The following ZFHX3 variants were observed in gnomAD, a reference collection of about 807,000 sequenced individuals.
The protein encoded by ZFHX3 is zinc finger homeobox protein 3.
In ZFHX3, 42 loss-of-function variants were observed where a neutral mutation model predicts 279.1. The observed-to-expected ratio is 0.15, with a 90% CI of 0.12 to 0.19. The LOEUF (loss-of-function observed/expected upper bound fraction) is 0.19. Ranked by LOEUF, ZFHX3 falls within the 10% of genes least tolerant of loss-of-function variation. The probability of loss-of-function intolerance (pLI) is 1.00; values close to 1 mark genes in which losing one functional copy is unlikely to be tolerated. For missense variants in ZFHX3, 4,981 were observed against 4,754.0 expected (o/e 1.05, Z -1.40); for synonymous variants, 2,293 against 1,957.8 (o/e 1.17, Z -4.52).
intron 5 of ZFHX3, among the ~76,000 whole-genome samples, chr16:73,239,709 C>A (rs1379436056): frequency 6.6e-6 from 1 of 152,120 alleles, no homozygotes; most frequent in East Asian, 1.9e-4. Flanking sequence ...GGATGATTTC[C>A]TAAGTTCCCA....
chr16:73,509,734 T>C (rs1486674710), intron 2 of ZFHX3, among the ~76,000 whole-genome samples: 2 of 129,724 alleles, frequency 1.5e-5, no homozygotes, highest in East Asian at 2.2e-4. Context: ...CTCGCTCTGT[T>C]GCCCAGGCTG....
chr16:73,558,707 C>CTTTTTT (rs2020323900), intron 2 of ZFHX3, among the ~76,000 whole-genome samples: 1 of 135,284 alleles, frequency 7.4e-6, no homozygotes, highest in Non-Finnish European at 1.6e-5. Context: ...AAGAAAATGA[C>CTTTTTT]TCTTTTTTTT....
chr16:73,229,758 T>C (rs963499638), intron 5 of ZFHX3, among the ~76,000 whole-genome samples: 7 of 152,204 alleles, frequency 4.6e-5, no homozygotes, highest in Non-Finnish European at 7.3e-5. Context: ...GTGATTCTAG[T>C]GACTTTAGTT....
intron 1 of ZFHX3, among the ~76,000 whole-genome samples, chr16:73,771,312 G>A (rs571264954): frequency 9.9e-4 from 150 of 152,216 alleles, no homozygotes; most frequent in African/African-American, 3.4e-3. Context: ...CCTTAAGCAG[G>A]AGATCCTGGT....
chr16:73,178,007 A>G (rs1456960471), intron 5 of ZFHX3, among the ~76,000 whole-genome samples: 1 of 152,124 alleles, frequency 6.6e-6, no homozygotes, highest in Admixed American at 6.6e-5. Context: ...GGCATCAGGG[A>G]ATCCTTCTAG....
intron 1 of ZFHX3, among the ~76,000 whole-genome samples, chr16:73,719,848 G>A (rs1381434924): frequency 6.7e-6 from 1 of 150,286 alleles, no homozygotes; most frequent in Admixed American, 6.6e-5. Context: ...GGTCAGGCTG[G>A]TCTCAAACTC....
At chr16:73,502,745 T>G (rs911266132) in intron 2 of ZFHX3, among the ~76,000 whole-genome samples, 1 of 152,216 alleles carries the variant, frequency 6.6e-6, no homozygotes, top group African/African-American at 2.4e-5. Context: ...GGTATCCCCA[T>G]GCAATGAACA....
chr16:73,335,351 G>A (rs1052158740), intron 3 of ZFHX3, among the ~76,000 whole-genome samples: 1 of 152,112 alleles, frequency 6.6e-6, no homozygotes, highest in Non-Finnish European at 1.5e-5. Context: ...GAACCTAAAA[G>A]ATAAAAAGTG....
At chr16:73,530,339 A>G (rs1807258888) in intron 2 of ZFHX3, among the ~76,000 whole-genome samples, 1 of 152,162 alleles carries the variant, frequency 6.6e-6, no homozygotes, top group South Asian at 2.1e-4. Context: ...TCAAGATGAG[A>G]TTTGGGTGGG....
At chr16:73,847,911 T>TA in intron 1 of ZFHX3, among the ~76,000 whole-genome samples, 1 of 142,136 alleles carries the variant, frequency 7.0e-6, no homozygotes, top group East Asian at 2.0e-4. Flanking sequence ...CTAGTTTTTT[T>TA]TTTTTTTTTT....
At chr16:73,308,224 C>CATATATAT (rs56199536) in intron 4 of ZFHX3, among the ~76,000 whole-genome samples, 8 of 108,710 alleles carry the variant, frequency 7.4e-5, no homozygotes, top group Non-Finnish European at 1.0e-4. Flanking sequence ...CATATGCATG[C>CATATATAT]ATATATATAT....
At chr16:73,551,778 A>G (rs953931672) in intron 2 of ZFHX3, among the ~76,000 whole-genome samples, 4 of 152,236 alleles carry the variant, frequency 2.6e-5, no homozygotes, top group African/African-American at 9.6e-5. Flanking sequence ...CTGTCCCTGA[A>G]GCTTGAAAGT....
intron 1 of ZFHX3, among the ~76,000 whole-genome samples, chr16:72,989,264 C>CACCTG (rs1376607361): frequency 1.3e-5 from 2 of 151,968 alleles, no homozygotes; most frequent in Admixed American, 6.6e-5. Flanking sequence ...GCGGGTGGAT[C>CACCTG]ACCTGAGGTC....
At position 73,368,756 on chromosome 16, in the gene ZFHX3, A is replaced by T. The variant is rs143686408; in HGVS notation, c.-1290-50420T>A. 2.0e-5 allele frequency among the ~76,000 whole-genome samples: 3 copies of T among 152,330 alleles called. No homozygotes were observed. In the East Asian group the frequency reaches 5.8e-4, roughly 29 times the overall value. On this transcript the variant is annotated intron_variant, in intron 3 of 17. Coordinates refer to the ZFHX3 transcript ENST00000641206. ...TGCAAAGGTTGTTAAAGGACCCAAT[A>T]TTCATTGAGTATCTATTATGTGCTA...
At chr16:73,030,845 AC>A (rs1291036509) in intron 1 of ZFHX3, among the ~76,000 whole-genome samples, 4 of 152,018 alleles carry the variant, frequency 2.6e-5, no homozygotes, top group Non-Finnish European at 4.4e-5. Flanking sequence ...TAAACCTTGT[AC>A]CCTGGGGAGG....
At chr16:73,623,776 G>A (rs1295882482) in intron 2 of ZFHX3, among the ~76,000 whole-genome samples, 1 of 152,184 alleles carries the variant, frequency 6.6e-6, no homozygotes, top group Admixed American at 6.5e-5. Context: ...GTATCCTTTA[G>A]CTTCCAAACC....
chr16:73,571,195 G>T (rs1444381646), intron 2 of ZFHX3, among the ~76,000 whole-genome samples: 3 of 151,858 alleles, frequency 2.0e-5, no homozygotes, highest in African/African-American at 7.2e-5. Context: ...TTAAGAAATT[G>T]TTGATAGAAA....
chr16:72,993,594 C>A (rs975319735), intron 1 of ZFHX3, among the ~76,000 whole-genome samples: 1 of 152,188 alleles, frequency 6.6e-6, no homozygotes, highest in African/African-American at 2.4e-5. Flanking sequence ...CGATGCCCAA[C>A]AGCACAGCAG....
chr16:73,788,291 T>C (rs1019716990), intron 1 of ZFHX3, among the ~76,000 whole-genome samples: 13 of 152,072 alleles, frequency 8.5e-5, no homozygotes, highest in Admixed American at 3.3e-4. Flanking sequence ...AGAAACTAAA[T>C]GGCAAAGGAA....
Sources: allele counts gnomAD v4.1 joint callset (sites outside exome capture counted in the v4.1 genomes callset), GRCh38; gene constraint gnomAD v4.1.1; transcripts MANE v1.5; gene names NCBI Gene and HGNC (gene_info 2026-07-23, HGNC 2026-07-21).